The following SH3YL1 variants were observed in gnomAD, a reference collection of about 807,000 sequenced individuals.
SH3YL1 encodes the protein SH3 domain-containing YSC84-like protein 1.
In SH3YL1, 41 loss-of-function variants were observed where a neutral mutation model predicts 45.8. That is an observed-to-expected ratio of 0.89 (90% CI 0.70 to 1.16). SH3YL1 has a LOEUF of 1.16. SH3YL1 is among the 50% of genes most tolerant of loss of function. The probability of loss-of-function intolerance (pLI) is 0.00; values close to 1 mark genes in which losing one functional copy is unlikely to be tolerated. For synonymous variants in SH3YL1, 152 were observed against 151.4 expected, an observed-to-expected ratio of 1.00 and a Z score of -0.03; for missense variants, 389 against 409.6, an observed-to-expected ratio of 0.95 and a Z score of 0.43.
intron 2 of SH3YL1, among the ~76,000 whole-genome samples, chr2:250,958 A>G (rs17041767): frequency 0.026 from 3,979 of 152,286 alleles, 151 homozygotes; most frequent in Admixed American, 0.091. Context: ...AAGCTGTATT[A>G]TATGTTGTGC....
chr2:261,212 C>T (rs959639588), intron 1 of SH3YL1: 2 of 152,178 alleles, frequency 1.3e-5, no homozygotes, highest in African/African-American at 4.8e-5. Context: ...GATGGCTCAC[C>T]CATTTTTCCT....
At chr2:221,799 AGAGT>A (rs10533035) in intron 9 of SH3YL1, among the ~76,000 whole-genome samples, 10,522 of 152,284 alleles carry the variant, frequency 0.069, 492 homozygotes, top group Admixed American at 0.12. Flanking sequence ...GAAAATCACA[AGAGT>A]GAGGCCAGCA....
In SH3YL1 at chr2:237,506, C is replaced by T. The variant is rs116617271; in HGVS notation, c.292-3234G>A. On this transcript the variant is annotated intron_variant, in intron 4 of 9. Coordinates refer to ENST00000356150, the MANE Select transcript of SH3YL1 (RefSeq NM_015677.4). Reference sequence around the variant, plus strand: ...GGAGGAGCTGAACAACACATTGGGACGGCACTCTCAGAAAACCCTGTAAGC... The same window carrying T: ...GGAGGAGCTGAACAACACATTGGGATGGCACTCTCAGAAAACCCTGTAAGC... Among the ~76,000 whole-genome samples the T allele has an allele frequency of 5.2e-3, 796 of 152,002 alleles. 8 individuals carry two copies. The highest frequency in any genetic ancestry group is 0.018 in the African/African-American group (753 of 41,422).
rs768319126 is a variant in SH3YL1, at chr2:230,020, A to G, written c.727T>C (p.Leu243=). Residue 243 remains leucine (L), a synonymous_variant, in exon 8 of 10, where the codon TTG becomes CTG. Coordinates refer to ENST00000356150, the MANE Select transcript of SH3YL1 (RefSeq NM_015677.4). ...GCAGATGACTGCTGTGGTCTTGACA[A>G]TGGCTTTGGAGGTAATTCTTTAGCC... ...SSAKELPPKP[L]SRPQQSSAPV... 6.2e-7 allele frequency: 1 copy of G among 1,608,874 alleles called. No homozygotes were observed. The highest frequency in any genetic ancestry group is 8.5e-7 in the Non-Finnish European group (1 of 1,176,888).
intron 4 of SH3YL1, among the ~76,000 whole-genome samples, chr2:246,604 AG>A (rs891426714): frequency 5.3e-5 from 7 of 130,856 alleles, no homozygotes; most frequent in Admixed American, 2.4e-4. Context: ...AAAGGGGAAG[AG>A]AGGGGAGGGA....
Position 247,442 on chromosome 2 carries a change from A to G in SH3YL1, c.291+96T>C, listed in dbSNP as rs1049162082. ...ATTTTTCCTAAGTGCCAATGGTAAC[A>G]ATAAGAACGCTAGGAAACCTCTCAG... On this transcript the variant is annotated intron_variant, in intron 4 of 9. Transcript: ENST00000356150. 1.4e-5 allele frequency: 13 copies of G among 933,880 alleles called. No individual in the cohort carries two copies. The South Asian group carries it at 2.3e-4, about 17-fold the overall frequency. 57.8% of individuals were successfully genotyped at this position (933,880 alleles called of 1,614,324 possible).
At chr2:253,248 C>T in intron 1 of SH3YL1, 133 bp from the exon 2 acceptor site, 1 of 600,712 alleles carries the variant, frequency 1.7e-6, no homozygotes, top group Non-Finnish European at 2.9e-6. Context: ...TGAATAGGAG[C>T]TGGGTGAAAT....
intron 4 of SH3YL1, among the ~76,000 whole-genome samples, chr2:238,518 T>C (rs1283627302): frequency 6.6e-6 from 1 of 152,144 alleles, no homozygotes; most frequent in Admixed American, 6.5e-5. Flanking sequence ...AAATTCTCCC[T>C]GGAAAAAGCA....
At chr2:261,464 GT>G (rs1339337151) in intron 1 of SH3YL1, 1 of 151,856 alleles carries the variant, frequency 6.6e-6, no homozygotes, top group Non-Finnish European at 1.5e-5. Flanking sequence ...TTCAAATAAA[GT>G]TTTCTTTAAA....
At chr2:252,912 A>T in intron 2 of SH3YL1, 93 bp downstream of exon 2, 1 of 714,670 alleles carries the variant, frequency 1.4e-6, no homozygotes, top group Non-Finnish European at 2.3e-6. Context: ...GCATTGATGG[A>T]GGCTTCTGCC....
chr2:230,154 T>C, intron 7 of SH3YL1, 110 bp from the exon 8 acceptor site: 2 of 716,156 alleles, frequency 2.8e-6, no homozygotes, highest in Middle Eastern at 2.9e-4. Flanking sequence ...TCATGTGTGC[T>C]TATTAATGTG....
At chr2:252,438 G>A (rs544445054) in intron 2 of SH3YL1, among the ~76,000 whole-genome samples, 2 of 152,232 alleles carry the variant, frequency 1.3e-5, no homozygotes, top group South Asian at 4.2e-4. Context: ...TAGGGCGCTG[G>A]CACCCTGGGA....
At position 243,522 on chromosome 2, in the gene SH3YL1, C is replaced by G. The variant is rs1290106454; in HGVS notation, c.291+4016G>C. On this transcript the variant is annotated intron_variant, in intron 4 of 9. Coordinates refer to ENST00000356150, the MANE Select transcript of SH3YL1 (RefSeq NM_015677.4). ...ACATACCCACACTTATGGAAGGCAGCCAGGGCAATGCTCAGAGGGAATATG... is the reference window on the plus strand; with the variant it reads ...ACATACCCACACTTATGGAAGGCAGGCAGGGCAATGCTCAGAGGGAATATG... 1.9e-6 allele frequency: 3 copies of G among 1,540,644 alleles called. No homozygotes were observed. In the African/African-American group the frequency reaches 4.1e-5, roughly 21 times the overall value.
chr2:222,146 G>C (rs962977602), intron 9 of SH3YL1, among the ~76,000 whole-genome samples: 21 of 152,138 alleles, frequency 1.4e-4, no homozygotes, highest in African/African-American at 4.8e-4. Context: ...TAAAAAATCG[G>C]AAGGATCTTT....
intron 1 of SH3YL1, chr2:260,662 G>C (rs1341186336): frequency 6.6e-6 from 1 of 152,230 alleles, no homozygotes; most frequent in African/African-American, 2.4e-5. Flanking sequence ...GTCACAAGCC[G>C]CTCTGGACTT....
chr2:247,442 A>T, intron 4 of SH3YL1, 96 bp downstream of exon 4: 2 of 933,880 alleles, frequency 2.1e-6, no homozygotes, highest in Non-Finnish European at 3.2e-6. Context: ...CAATGGTAAC[A>T]ATAAGAACGC....
Position 233,382 on chromosome 2 carries a change from G to A in SH3YL1, c.405-153C>T, listed in dbSNP as rs61546862. On this transcript the variant is annotated intron_variant, in intron 5 of 9. Coordinates refer to ENST00000356150, the MANE Select transcript of SH3YL1 (RefSeq NM_015677.4). ...TTTTACTTACTGTAGGCCTAAATTA[G>A]ATGTTTTAATGTGGCCTAGAGGAAA... is the stretch of plus-strand genomic sequence containing the variant. Among the ~76,000 whole-genome samples the A allele has an allele frequency of 2.0e-3, 305 of 152,262 alleles. 2 individuals are homozygous for A. Among genetic ancestry groups the A allele is most frequent in the African/African-American group, 6.9e-3 (286 of 41,520 alleles).
At position 244,547 on chromosome 2, in the gene SH3YL1, G is replaced by GAAAGA. The variant is rs886606147; in HGVS notation, c.291+2986_291+2990dup. On this transcript the variant is annotated intron_variant, in intron 4 of 9. Coordinates refer to ENST00000356150, the MANE Select transcript of SH3YL1 (RefSeq NM_015677.4). ...AAAGAAAAAGAAAGAAAGAACGAAAGAAAGAAAAGAAAAGAAAAGAAAAAG... is the reference window on the plus strand; with the variant it reads ...AAAGAAAAAGAAAGAAAGAACGAAAGAAAGAAAAGAAAAGAAAAGAAAAGAAAAAG... 23 of 127,052 alleles carry GAAAGA rather than the reference G, an allele frequency of 1.8e-4. No homozygotes were observed. The East Asian group carries it at 4.0e-3, about 22-fold the overall frequency. The allele number at this position is 127,052 out of a possible 1,614,324, so 7.9% of individuals were successfully genotyped here.
At chr2:224,572 C>T (rs1189581576) in intron 9 of SH3YL1, among the ~76,000 whole-genome samples, 1 of 152,212 alleles carries the variant, frequency 6.6e-6, no homozygotes, top group Non-Finnish European at 1.5e-5. Flanking sequence ...ACACAGATAA[C>T]ACTGACGGTT....
Sources: allele counts gnomAD v4.1 joint callset (sites outside exome capture counted in the v4.1 genomes callset), GRCh38; gene constraint gnomAD v4.1.1; transcripts MANE v1.5; gene names NCBI Gene and HGNC (gene_info 2026-07-23, HGNC 2026-07-21).